MGAT4A: variants seen among roughly 807,000 people sequenced by gnomAD.
MGAT4A encodes the protein N-acetylglucosaminyltransferase IVa.
In MGAT4A, 33 loss-of-function variants were observed where a neutral mutation model predicts 74.1. The observed-to-expected ratio is 0.45, with a 90% confidence interval of 0.34 to 0.60. The LOEUF is 0.60. MGAT4A is among the 20% of genes least tolerant of loss of function. MGAT4A has a pLI of 0.02. For missense variants in MGAT4A, 479 were observed against 628.3 expected, an observed-to-expected ratio of 0.76 and a Z score of 2.54; for synonymous variants, 198 against 210.4, an observed-to-expected ratio of 0.94 and a Z score of 0.51.
chr2:98,704,399 T>G (rs1575276720), intron 2 of MGAT4A, among the ~76,000 whole-genome samples: 1 of 151,962 alleles, frequency 6.6e-6, no homozygotes, highest in African/African-American at 2.4e-5. Flanking sequence ...CTACAAAAAT[T>G]AGCCATTTAG....
intron 2 of MGAT4A, among the ~76,000 whole-genome samples, chr2:98,702,220 G>A (rs1702363363): frequency 6.6e-6 from 1 of 152,198 alleles, no homozygotes; most frequent in Non-Finnish European, 1.5e-5. Flanking sequence ...AGTTTAACAG[G>A]CGTGGGGCAG....
chr2:98,685,288 T>A (rs1424236844), intron 2 of MGAT4A, among the ~76,000 whole-genome samples: 1 of 151,910 alleles, frequency 6.6e-6, no homozygotes, highest in East Asian at 1.9e-4. Context: ...CAGTACCACA[T>A]TGAACGGATA....
chr2:98,621,432 T>C lies in MGAT4A; in HGVS notation c.*4134A>G, dbSNP rs552206352. The stretch of plus-strand genomic sequence containing the variant: ...CCTTCTCATGCAGCCCCCTCTACCT[T>C]AAAACAGCAATGGTGCCTGAGGTCC... On this transcript the variant is annotated 3_prime_UTR_variant, in exon 16 of 16. Coordinates refer to ENST00000393487, the MANE Select transcript of MGAT4A (RefSeq NM_012214.3). 2.6e-6 allele frequency: 4 copies of C among 1,551,626 alleles called. No homozygotes were observed. In the African/African-American group the frequency reaches 5.5e-5, roughly 21 times the overall value.
At chr2:98,692,805 A>G (rs1418181729) in intron 2 of MGAT4A, among the ~76,000 whole-genome samples, 4 of 152,196 alleles carry the variant, frequency 2.6e-5, no homozygotes, top group African/African-American at 9.6e-5. Flanking sequence ...AGTATACCCT[A>G]TGATGTTCAC....
chr2:98,680,562 TA>T (rs564786164), intron 2 of MGAT4A, among the ~76,000 whole-genome samples: 185 of 152,264 alleles, frequency 1.2e-3, no homozygotes, highest in Non-Finnish European at 2.2e-3. Context: ...CTACATGGAA[TA>T]ACAAAAGCAT....
chr2:98,660,848 T>C (rs1575256303), intron 5 of MGAT4A, among the ~76,000 whole-genome samples: 1 of 152,148 alleles, frequency 6.6e-6, no homozygotes, highest in Admixed American at 6.5e-5. Context: ...CTACACGACA[T>C]TGGCCTGGGC....
chr2:98,727,333 C>T (rs924931064), intron 1 of MGAT4A, among the ~76,000 whole-genome samples: 9 of 152,128 alleles, frequency 5.9e-5, no homozygotes, highest in Non-Finnish European at 1.3e-4. Context: ...CACCACTGAT[C>T]GAACAAAGCT....
At chr2:98,665,252 C>A (rs1428044738) in intron 4 of MGAT4A, among the ~76,000 whole-genome samples, 1 of 149,486 alleles carries the variant, frequency 6.7e-6, no homozygotes, top group African/African-American at 2.5e-5. Context: ...TTGCTTAAAT[C>A]CAGGAGGCGG....
At chr2:98,654,886 C>T (rs1430896217) in intron 8 of MGAT4A, among the ~76,000 whole-genome samples, 1 of 152,094 alleles carries the variant, frequency 6.6e-6, no homozygotes, top group Non-Finnish European at 1.5e-5. Context: ...CTCATACTTC[C>T]TAATTTTAAA....
intron 2 of MGAT4A, among the ~76,000 whole-genome samples, chr2:98,684,234 A>G (rs1702099817): frequency 6.6e-6 from 1 of 152,184 alleles, no homozygotes; most frequent in Non-Finnish European, 1.5e-5. Flanking sequence ...ATAATTCCCT[A>G]TTGTCAACAT....
At chr2:98,642,552 T>C (rs575338228) in intron 10 of MGAT4A, among the ~76,000 whole-genome samples, 30 of 152,344 alleles carry the variant, frequency 2.0e-4, no homozygotes, top group African/African-American at 6.7e-4. Flanking sequence ...ATTTCTACTA[T>C]AGATGTTTTC....
At chr2:98,716,131 C>T (rs932562758) in intron 2 of MGAT4A, among the ~76,000 whole-genome samples, 2 of 152,120 alleles carry the variant, frequency 1.3e-5, no homozygotes, top group African/African-American at 4.8e-5. Context: ...CCAGCCTGGA[C>T]AACACAGTGA....
At chr2:98,675,414 G>A (rs903098085) in intron 3 of MGAT4A, among the ~76,000 whole-genome samples, 6 of 152,164 alleles carry the variant, frequency 3.9e-5, no homozygotes, top group East Asian at 1.9e-4. Flanking sequence ...CTAGAGGACC[G>A]TAAGAAGGTG....
chr2:98,729,812 G>A (rs1223617648), intron 1 of MGAT4A, among the ~76,000 whole-genome samples: 1 of 152,148 alleles, frequency 6.6e-6, no homozygotes, highest in Non-Finnish European at 1.5e-5. Flanking sequence ...AGAATGAAAG[G>A]CACAATAATC....
chr2:98,650,780 A>G (rs535858025), intron 8 of MGAT4A, among the ~76,000 whole-genome samples: 1 of 152,200 alleles, frequency 6.6e-6, no homozygotes, highest in East Asian at 1.9e-4. Context: ...GTGAAACCCC[A>G]TCTCTACTAA....
chr2:98,722,652 A>G (rs1232120483), intron 2 of MGAT4A, among the ~76,000 whole-genome samples: 1 of 152,222 alleles, frequency 6.6e-6, no homozygotes. Context: ...AATATACCAA[A>G]AACCGACTGA....
Position 98,635,092 on chromosome 2 carries a change from C to A in MGAT4A, c.1468+130G>T, listed in dbSNP as rs571505001. The stretch of plus-strand genomic sequence containing the variant: ...AATAATAAAAGCAAGTACTACAACA[C>A]AGCACACATAAAACCTGGAGGACAC... On this transcript the variant is annotated intron_variant, in intron 14 of 15. Coordinates refer to ENST00000393487, the MANE Select transcript of MGAT4A (RefSeq NM_012214.3). The A allele has an allele frequency of 1.2e-3, 826 of 663,066 alleles. 13 individuals carry two copies. The South Asian group carries it at 0.016, about 13-fold the overall frequency. 41.1% of individuals were successfully genotyped at this position (663,066 alleles called of 1,614,324 possible).
At chr2:98,730,768 G>A (rs1414124673) in intron 1 of MGAT4A, among the ~76,000 whole-genome samples, 1 of 149,176 alleles carries the variant, frequency 6.7e-6, no homozygotes, top group East Asian at 2.0e-4. Context: ...TGCGGGGCAG[G>A]GACGCTGGGA....
At chr2:98,663,261 C>T (rs1701778987) in intron 4 of MGAT4A, 82 bp from the exon 5 acceptor site, 2 of 1,524,604 alleles carry the variant, frequency 1.3e-6, no homozygotes, top group Non-Finnish European at 1.8e-6. Context: ...AGTATTATAC[C>T]CTCTCAAATT....
Sources: allele counts gnomAD v4.1 joint callset (sites outside exome capture counted in the v4.1 genomes callset), GRCh38; gene constraint gnomAD v4.1.1; transcripts MANE v1.5; gene names NCBI Gene and HGNC (gene_info 2026-07-23, HGNC 2026-07-21).